The following SPOCK1 variants were observed in gnomAD, a reference collection of about 807,000 sequenced individuals.
SPOCK1 encodes the protein testican-1.
SPOCK1 carries 23 observed loss-of-function variants against 55.3 expected under a neutral mutation model. That is an observed-to-expected ratio of 0.42 (90% CI 0.30 to 0.59). The LOEUF (loss-of-function observed/expected upper bound fraction) is 0.59, where lower values mean the gene tolerates loss of function less well. Among genes scored for constraint, SPOCK1 ranks in the 20% least tolerant of loss-of-function variants. The probability of loss-of-function intolerance (pLI) is 0.22; values close to 1 mark genes in which losing one functional copy is unlikely to be tolerated. For missense variants in SPOCK1, 499 were observed against 552.5 expected (o/e 0.90, Z 0.97); for synonymous variants, 226 against 221.0 (o/e 1.02, Z -0.20).
At chr5:137,287,063 A>T (rs1757281857) in intron 2 of SPOCK1, among the ~76,000 whole-genome samples, 1 of 152,166 alleles carries the variant, frequency 6.6e-6, no homozygotes, top group African/African-American at 2.4e-5. Flanking sequence ...TGGAAGAAAA[A>T]TAGGTGGCAC....
At chr5:137,142,366 C>T (rs1480030967) in intron 3 of SPOCK1, among the ~76,000 whole-genome samples, 2 of 152,184 alleles carry the variant, frequency 1.3e-5, no homozygotes, top group Non-Finnish European at 2.9e-5. Context: ...ATGCCTGCTG[C>T]GAATTTCTCA....
At chr5:137,018,985 CAATA>C (rs1440405797) in intron 6 of SPOCK1, among the ~76,000 whole-genome samples, 2 of 151,984 alleles carry the variant, frequency 1.3e-5, no homozygotes, top group Non-Finnish European at 2.9e-5. Context: ...TACAAATAGC[CAATA>C]AATACACACA....
intron 5 of SPOCK1, among the ~76,000 whole-genome samples, chr5:137,102,635 T>C (rs561614482): frequency 2.6e-5 from 4 of 152,212 alleles, no homozygotes; most frequent in Non-Finnish European, 5.9e-5. Flanking sequence ...TTTCAGATGG[T>C]TTTTCACTCG....
At chr5:137,322,093 C>T (rs1580866048) in intron 2 of SPOCK1, among the ~76,000 whole-genome samples, 1 of 152,036 alleles carries the variant, frequency 6.6e-6, no homozygotes, top group East Asian at 1.9e-4. Context: ...AAGTATTAAG[C>T]TCATTGGCTG....
chr5:137,433,783 C>G (rs755177399), intron 2 of SPOCK1, among the ~76,000 whole-genome samples: 5 of 152,206 alleles, frequency 3.3e-5, no homozygotes, highest in Non-Finnish European at 5.9e-5. Flanking sequence ...ACAACTTGAA[C>G]TCTGGGCATT....
intron 3 of SPOCK1, among the ~76,000 whole-genome samples, chr5:137,249,766 A>G (rs996098263): frequency 5.3e-5 from 8 of 152,266 alleles, no homozygotes; most frequent in Non-Finnish European, 1.0e-4. Context: ...CTGAGCTAAA[A>G]AGAAACACAT....
intron 2 of SPOCK1, among the ~76,000 whole-genome samples, chr5:137,282,325 CTG>C (rs371611299): frequency 6.6e-6 from 1 of 152,356 alleles, no homozygotes; most frequent in African/African-American, 2.4e-5. Context: ...AGCCGCTGCT[CTG>C]TGCAAAAGTG....
At chr5:137,197,456 C>A (rs1326458419) in intron 3 of SPOCK1, among the ~76,000 whole-genome samples, 5 of 152,140 alleles carry the variant, frequency 3.3e-5, no homozygotes, top group African/African-American at 4.8e-5. Context: ...TTCCCATGCA[C>A]AACAAGGTCA....
At chr5:137,180,142 C>T (rs1394216262) in intron 3 of SPOCK1, among the ~76,000 whole-genome samples, 1 of 152,186 alleles carries the variant, frequency 6.6e-6, no homozygotes, top group African/African-American at 2.4e-5. Context: ...TTCTCCACCC[C>T]TCTAGCACCT....
At chr5:137,160,698 A>G (rs1754538420) in intron 3 of SPOCK1, among the ~76,000 whole-genome samples, 1 of 123,502 alleles carries the variant, frequency 8.1e-6, no homozygotes, top group Non-Finnish European at 1.6e-5. Context: ...ATATATGGCC[A>G]TAATCAAAAA....
Position 137,219,860 on chromosome 5 carries a change from T to C in SPOCK1, c.232+47150A>G, listed in dbSNP as rs190932373. Among the ~76,000 whole-genome samples the C allele has an allele frequency of 2.0e-3, 302 of 152,306 alleles. 10 individuals are homozygous for C. The highest frequency in any genetic ancestry group is 3.7e-3 in the South Asian group (18 of 4,820). ...ACATGATGATTTTATAGGGCCTCCA[T>C]GGTGTCTTTTAGAGCTGCTTTGCCT... On this transcript the variant is annotated intron_variant, in intron 3 of 10. Coordinates refer to ENST00000394945, the MANE Select transcript of SPOCK1 (RefSeq NM_004598.4).
chr5:137,222,055 C>G (rs1351343219), intron 3 of SPOCK1, among the ~76,000 whole-genome samples: 2 of 152,224 alleles, frequency 1.3e-5, no homozygotes, highest in Non-Finnish European at 2.9e-5. Flanking sequence ...TCACAGAGGA[C>G]AGCATGAAGC....
rs78042891 is a variant in SPOCK1 at position 137,470,017 on chromosome 5, T to C, written c.186+28356A>G. On this transcript the variant is annotated intron_variant, in intron 2 of 10. Coordinates refer to ENST00000394945, the MANE Select transcript of SPOCK1 (RefSeq NM_004598.4). ...AACACTCTTCACTCCATGATGCTGC[T>C]ACTATAAGTTATCTCCTACCCTTGA... Among the ~76,000 whole-genome samples the C allele has an allele frequency of 3.7e-3, 563 of 152,332 alleles. 4 individuals carry two copies. Among genetic ancestry groups the C allele is most frequent in the African/African-American group, 0.013 (539 of 41,578 alleles).
chr5:137,121,446 A>G (rs1480949563), intron 4 of SPOCK1, among the ~76,000 whole-genome samples: 1 of 151,876 alleles, frequency 6.6e-6, no homozygotes, highest in African/African-American at 2.4e-5. Flanking sequence ...GGAAAACAGT[A>G]AGAAGAAAAT....
Position 136,992,579 on chromosome 5 carries a change from C to G in SPOCK1, c.611G>C (p.Arg204Pro). 6.2e-7 allele frequency: 1 copy of G among 1,613,794 alleles called. No individual in the cohort carries two copies. Among genetic ancestry groups the G allele is most frequent in the Non-Finnish European group, 8.5e-7 (1 of 1,179,846 alleles). Residue 204 changes from arginine (R) to proline (P), a missense_variant, in exon 7 of 11, where the codon CGG (arginine) becomes CCG (proline). This residue lies in a region of SPOCK1 where 386 missense variants were observed against 400.6 expected (regional missense o/e 0.96). Coordinates refer to ENST00000394945, the MANE Select transcript of SPOCK1 (RefSeq NM_004598.4). ...ERSACTDKEL[R>P]NLASRLKDWF... ...ATCCTTCAGCCGGGAGGCAAGGTTC[C>G]GCAACTCCTTGTCTGTGCAGGCTAG...
At chr5:136,997,526 A>C (rs919374736) in intron 6 of SPOCK1, among the ~76,000 whole-genome samples, 19 of 152,308 alleles carry the variant, frequency 1.2e-4, no homozygotes, top group African/African-American at 3.8e-4. Context: ...GGTTAAGTCT[A>C]AACTCCATAA....
rs368016017 is a variant in SPOCK1 at position 137,429,702 on chromosome 5, T to C, written c.186+68671A>G. Among the ~76,000 whole-genome samples the C allele has an allele frequency of 1.4e-4, 21 of 152,356 alleles. No individual in the cohort carries two copies. In the East Asian group the frequency reaches 4.0e-3, roughly 29 times the overall value. ...GGCAGAGCTGTGGTTTATTAAACCC[T>C]GGACTCTTAATCCACAGTTCAATCC... On this transcript the variant is annotated intron_variant, in intron 2 of 10. Coordinates refer to ENST00000394945, the MANE Select transcript of SPOCK1 (RefSeq NM_004598.4).
intron 6 of SPOCK1, among the ~76,000 whole-genome samples, chr5:137,014,185 G>T (rs1245299027): frequency 6.6e-6 from 1 of 151,978 alleles, no homozygotes; most frequent in Non-Finnish European, 1.5e-5. Context: ...CACTTCTCTT[G>T]CTTTGTTCTG....
chr5:137,043,885 A>C (rs997105873), intron 6 of SPOCK1, among the ~76,000 whole-genome samples: 22 of 152,208 alleles, frequency 1.4e-4, no homozygotes, highest in African/African-American at 5.1e-4. Context: ...TATGAATTAA[A>C]ACATGGACTT....
Sources: gnomAD v4.1 joint callset for allele counts (sites outside exome capture counted in the v4.1 genomes callset) on GRCh38, gnomAD v4.1.1 for gene constraint, gnomAD v4.1.1 regional missense constraint, MANE v1.5 for transcripts, NCBI Gene and HGNC (gene_info 2026-07-23, HGNC 2026-07-21) for gene names.